Variants in ASAP2 observed in about 807,000 individuals in gnomAD.
The protein encoded by ASAP2 is ArfGAP with SH3 domain, ankyrin repeat and PH domain 2.
Under a neutral mutation model 131.4 loss-of-function variants are expected in ASAP2, and 45 were observed. The ratio of observed to expected loss-of-function variants is 0.34; its 90% confidence interval spans 0.27 to 0.44. ASAP2 has a LOEUF of 0.44. Ranked by LOEUF, ASAP2 falls within the 20% of genes least tolerant of loss-of-function variation. The pLI is 1.00. For missense variants in ASAP2, 1,011 were observed against 1,297.0 expected, an observed-to-expected ratio of 0.78 and a Z score of 3.39; for synonymous variants, 510 against 503.0, an observed-to-expected ratio of 1.01 and a Z score of -0.19.
chr2:9,347,322 C>A (rs1553317958), intron 11 of ASAP2, among the ~76,000 whole-genome samples: 1 of 152,166 alleles, frequency 6.6e-6, no homozygotes, highest in Non-Finnish European at 1.5e-5. Context: ...TTCACCCATA[C>A]CAAGAAAGAG....
intron 1 of ASAP2, among the ~76,000 whole-genome samples, chr2:9,220,640 A>G (rs1195561520): frequency 1.3e-5 from 2 of 152,176 alleles, no homozygotes; most frequent in Non-Finnish European, 2.9e-5. Flanking sequence ...AATAATTTCC[A>G]TTTTGTAGAT....
chr2:9,374,109 G>T (rs1217779988), intron 16 of ASAP2, among the ~76,000 whole-genome samples: 1 of 152,190 alleles, frequency 6.6e-6, no homozygotes, highest in East Asian at 1.9e-4. Flanking sequence ...GGCTTCTTTG[G>T]CCCCCTTTTG....
At chr2:9,221,796 C>CT (rs936950434) in intron 1 of ASAP2, among the ~76,000 whole-genome samples, 14 of 151,724 alleles carry the variant, frequency 9.2e-5, no homozygotes, top group South Asian at 4.2e-4. Context: ...CCTTTTATTT[C>CT]TTTTTTTTGT....
chr2:9,211,139 G>C (rs1572166113), intron 1 of ASAP2, among the ~76,000 whole-genome samples: 1 of 147,508 alleles, frequency 6.8e-6, no homozygotes, highest in Non-Finnish European at 1.5e-5. Flanking sequence ...TGGGCAACAA[G>C]AGTGAAACTG....
intron 3 of ASAP2, among the ~76,000 whole-genome samples, chr2:9,304,197 C>T (rs1668677533): frequency 6.6e-6 from 1 of 152,084 alleles, no homozygotes; most frequent in Non-Finnish European, 1.5e-5. Flanking sequence ...CACAAGCCTG[C>T]TTGCAAGGTT....
rs182505300 is a variant in ASAP2 at position 9,230,803 on chromosome 2, T to A, written c.126+23573T>A. On this transcript the variant is annotated intron_variant, in intron 1 of 27. Coordinates refer to ENST00000281419, the MANE Select transcript of ASAP2 (RefSeq NM_003887.3). ...AGAAGCCCTTTTAAGCAGACCAGAT[T>A]TATAAGGGTTTTGATGAAAACAGTG... Among the ~76,000 whole-genome samples, 21 of 152,284 alleles carry A rather than the reference T, an allele frequency of 1.4e-4. No individual in the cohort carries two copies. The East Asian group carries it at 3.7e-3, about 27-fold the overall frequency.
chr2:9,216,652 G>C (rs1451284441), intron 1 of ASAP2, among the ~76,000 whole-genome samples: 1 of 151,826 alleles, frequency 6.6e-6, no homozygotes, highest in Non-Finnish European at 1.5e-5. Context: ...GTAGAGACGG[G>C]GTTTTGCCAT....
At chr2:9,364,070 G>T (rs1246141519) in intron 15 of ASAP2, among the ~76,000 whole-genome samples, 2 of 152,178 alleles carry the variant, frequency 1.3e-5, no homozygotes, top group Non-Finnish European at 2.9e-5. Flanking sequence ...AGAAGATCAT[G>T]ATTTCAGCTT....
rs568322479 is a variant in ASAP2 at position 9,233,486 on chromosome 2, G to C, written c.126+26256G>C. 4.6e-5 allele frequency among the ~76,000 whole-genome samples: 7 copies of C among 152,286 alleles called. No homozygotes were observed. The South Asian group carries it at 1.5e-3, about 32-fold the overall frequency. ...TTTTTAAGTAACACTTACAAAAGTT[G>C]TATGGTGGCTTGGGACCAATACACT... On this transcript the variant is annotated intron_variant, in intron 1 of 27. Transcript: ENST00000281419.
chr2:9,270,658 G>C (rs1305778306), intron 1 of ASAP2, among the ~76,000 whole-genome samples: 1 of 151,266 alleles, frequency 6.6e-6, no homozygotes, highest in Non-Finnish European at 1.5e-5. Flanking sequence ...TCAAATACTA[G>C]ATCTTATTCA....
rs1032632211 is a variant in ASAP2, at chr2:9,405,235, C to T, written c.*1908C>T. ...ACCAGAGGAGAAATTATATTAACGACCCTGCTAATATCCTTTCTTAGTTAT... is the reference window on the plus strand; with the variant it reads ...ACCAGAGGAGAAATTATATTAACGATCCTGCTAATATCCTTTCTTAGTTAT... On this transcript the variant is annotated 3_prime_UTR_variant, in exon 28 of 28. Transcript: ENST00000281419. The T allele has an allele frequency of 2.0e-5, 3 of 152,212 alleles. No individual in the cohort carries two copies. The highest frequency in any genetic ancestry group is 3.2e-3 in the Middle Eastern group (1 of 316). 9.4% of individuals were successfully genotyped at this position (152,212 alleles called of 1,614,324 possible). A position where few individuals can be genotyped will look rare whatever the true frequency, so the allele number is the denominator to read the frequency against.
chr2:9,385,204 G>A (rs1294118805), intron 20 of ASAP2, 41 bp from the exon 21 acceptor site: 1 of 1,484,776 alleles, frequency 6.7e-7, no homozygotes, highest in South Asian at 1.1e-5. Context: ...GCATGGCCGA[G>A]TGTATGAGCA....
Position 9,323,151 on chromosome 2 carries a change from C to T in ASAP2, c.501C>T (p.His167=), listed in dbSNP as rs754132936. The T allele has an allele frequency of 4.3e-6, 7 of 1,614,090 alleles. No homozygotes were observed. The highest frequency in any genetic ancestry group is 1.1e-5 in the South Asian group (1 of 91,088). ...AGATAGAAAAGGAGAAAAAGGAACA[C>T]GCCAAGCTCCATGGGATGATTCGGA... ...ITKIEKEKKE[H]AKLHGMIRTE... The change falls in exon 6 of 28, where the codon CAC becomes CAT. Residue 167 remains histidine, a synonymous_variant. Transcript: ENST00000281419.
chr2:9,210,672 A>T (rs1250606963), intron 1 of ASAP2, among the ~76,000 whole-genome samples: 2 of 151,512 alleles, frequency 1.3e-5, no homozygotes, highest in African/African-American at 4.9e-5. Flanking sequence ...CTCCTGCCTC[A>T]GCCTCCCGAG....
intron 1 of ASAP2, among the ~76,000 whole-genome samples, chr2:9,254,098 C>A (rs1362370605): frequency 6.8e-6 from 1 of 146,034 alleles, no homozygotes; most frequent in African/African-American, 2.6e-5. Flanking sequence ...CCCAGTTACT[C>A]AGGAGGCTGA....
chr2:9,254,254 T>TATATACACACAC lies in ASAP2; in HGVS notation c.127-25062_127-25061insTATACACACACA, dbSNP rs1553297027. Among the ~76,000 whole-genome samples the TATATACACACAC allele has an allele frequency of 3.7e-4, 24 of 65,736 alleles. 1 individual carries two copies. Among genetic ancestry groups the TATATACACACAC allele is most frequent in the Middle Eastern group, 0.014 (1 of 70 alleles). 43.1% of individuals were successfully genotyped at this position (65,736 alleles called of 152,430 possible). A position where few individuals can be genotyped will look rare whatever the true frequency, so the allele number is the denominator to read the frequency against. On this transcript the variant is annotated intron_variant, in intron 1 of 27. Coordinates refer to ENST00000281419, the MANE Select transcript of ASAP2 (RefSeq NM_003887.3). ...AAAAAAAAATATATATATATATATA[T>TATATACACACAC]ACACGTGTGTGTGTATGCATATATA...
At chr2:9,321,577 A>G (rs1001370116) in intron 5 of ASAP2, among the ~76,000 whole-genome samples, 3 of 152,094 alleles carry the variant, frequency 2.0e-5, no homozygotes, top group Admixed American at 1.3e-4. Flanking sequence ...GTCAGCCAGT[A>G]AGAGTAATTG....
chr2:9,262,194 A>G (rs1015266858), intron 1 of ASAP2, among the ~76,000 whole-genome samples: 2 of 152,168 alleles, frequency 1.3e-5, no homozygotes, highest in Non-Finnish European at 2.9e-5. Context: ...AAAATGTATT[A>G]GTGGAAATGA....
intron 1 of ASAP2, among the ~76,000 whole-genome samples, chr2:9,265,095 C>T (rs1665854362): frequency 6.6e-6 from 1 of 152,164 alleles, no homozygotes; most frequent in South Asian, 2.1e-4. Flanking sequence ...GTGATCACAC[C>T]ACTGCACTTC....
Sources: allele counts gnomAD v4.1 joint callset (sites outside exome capture counted in the v4.1 genomes callset), GRCh38; gene constraint gnomAD v4.1.1; transcripts MANE v1.5; gene names NCBI Gene and HGNC (gene_info 2026-07-23, HGNC 2026-07-21).